The following ACAP2 variants were observed in gnomAD, a reference collection of about 807,000 sequenced individuals.
The protein encoded by ACAP2 is arf-GAP with coiled-coil, ANK repeat and PH domain-containing protein 2.
Under a neutral mutation model 115.8 loss-of-function variants are expected in ACAP2, and 39 were observed. The observed-to-expected ratio is 0.34, with a 90% CI of 0.26 to 0.44. ACAP2 has a LOEUF of 0.44. ACAP2 is among the 20% of genes least tolerant of loss of function. The pLI is 1.00. For missense variants in ACAP2, 662 were observed against 927.6 expected, an observed-to-expected ratio of 0.71 and a Z score of 3.72; for synonymous variants, 289 against 315.8, an observed-to-expected ratio of 0.92 and a Z score of 0.90.
chr3:195,346,266 A>G (rs569092323), intron 4 of ACAP2, among the ~76,000 whole-genome samples: 20 of 152,200 alleles, frequency 1.3e-4, no homozygotes, highest in Non-Finnish European at 2.6e-4. Flanking sequence ...TAAAGATTAG[A>G]GTAGAAGTCA....
chr3:195,282,764 T>C (rs1393595960), intron 22 of ACAP2: 1 of 152,266 alleles, frequency 6.6e-6, no homozygotes, highest in Non-Finnish European at 1.5e-5. Context: ...CCACATTCTA[T>C]TTCCCCTCAG....
chr3:195,372,987 CAAAAA>C (rs869134113), intron 4 of ACAP2, among the ~76,000 whole-genome samples: 145 of 17,730 alleles, frequency 8.2e-3, no homozygotes, highest in Non-Finnish European at 0.016. Context: ...GACTCCATCT[CAAAAA>C]AAAAAAAAAA....
Position 195,316,870 on chromosome 3 carries a change from C to T in ACAP2, c.857+3831G>A, listed in dbSNP as rs539659129. ...TGCTGGGGAAATGCTCAATAAATCA[C>T]TGACTTTCAGAAATGTCAGTGAATT... On this transcript the variant is annotated intron_variant, in intron 10 of 22. Transcript: ENST00000326793. 5.1e-3 allele frequency among the ~76,000 whole-genome samples: 751 copies of T among 148,538 alleles called. 4 individuals are homozygous for T. Among genetic ancestry groups the T allele is most frequent in the African/African-American group, 0.018 (715 of 40,356 alleles).
At chr3:195,392,407 C>T (rs1057207866) in intron 1 of ACAP2, among the ~76,000 whole-genome samples, 4 of 152,122 alleles carry the variant, frequency 2.6e-5, no homozygotes, top group Admixed American at 6.6e-5. Flanking sequence ...ATTAATAACA[C>T]AAAATACAGC....
intron 4 of ACAP2, among the ~76,000 whole-genome samples, chr3:195,367,588 C>G (rs1331805748): frequency 6.6e-6 from 1 of 152,176 alleles, no homozygotes; most frequent in Non-Finnish European, 1.5e-5. Flanking sequence ...TTTCCTTACC[C>G]TGAATCTGGG....
intron 4 of ACAP2, among the ~76,000 whole-genome samples, chr3:195,379,896 T>C (rs546941461): frequency 6.6e-6 from 1 of 152,288 alleles, no homozygotes; most frequent in African/African-American, 2.4e-5. Flanking sequence ...CTCAACTGCA[T>C]GAGTCATTAG....
At chr3:195,391,899 G>A (rs1734703447) in intron 2 of ACAP2, among the ~76,000 whole-genome samples, 191 bp downstream of exon 2, 1 of 152,056 alleles carries the variant, frequency 6.6e-6, no homozygotes, top group Non-Finnish European at 1.5e-5. Flanking sequence ...GGAGGCTGAG[G>A]CAGGAGGATC....
chr3:195,419,578 A>C (rs1333324016), intron 1 of ACAP2: 1 of 152,124 alleles, frequency 6.6e-6, no homozygotes, highest in East Asian at 1.9e-4. Context: ...ATATAGTAAA[A>C]TCTATTTCAA....
At chr3:195,378,711 A>T (rs1051539398) in intron 4 of ACAP2, among the ~76,000 whole-genome samples, 3 of 151,678 alleles carry the variant, frequency 2.0e-5, no homozygotes, top group African/African-American at 7.3e-5. Flanking sequence ...AAATACAAAA[A>T]TTAGCCAGGC....
At chr3:195,377,255 A>G (rs1327376295) in intron 4 of ACAP2, among the ~76,000 whole-genome samples, 1 of 147,488 alleles carries the variant, frequency 6.8e-6, no homozygotes, top group African/African-American at 2.5e-5. Flanking sequence ...AGTGATCCTC[A>G]CACTTCAGCC....
At chr3:195,429,238 A>G (rs1714922058) in intron 1 of ACAP2, among the ~76,000 whole-genome samples, 1 of 152,036 alleles carries the variant, frequency 6.6e-6, no homozygotes, top group South Asian at 2.1e-4. Flanking sequence ...ATATACAAAA[A>G]TTAGTCGGGT....
intron 4 of ACAP2, among the ~76,000 whole-genome samples, chr3:195,360,566 C>T (rs985778828): frequency 5.3e-5 from 8 of 152,118 alleles, no homozygotes; most frequent in Admixed American, 2.6e-4. Flanking sequence ...GAGGCCAAGG[C>T]GGGCGATCAC....
chr3:195,312,692 G>A (rs1728847274), intron 10 of ACAP2, among the ~76,000 whole-genome samples: 2 of 151,990 alleles, frequency 1.3e-5, no homozygotes, highest in African/African-American at 4.8e-5. Context: ...TACTCAATCT[G>A]TATCTTCTTT....
chr3:195,401,392 C>CA (rs1404095432), intron 1 of ACAP2, among the ~76,000 whole-genome samples: 1 of 152,182 alleles, frequency 6.6e-6, no homozygotes, highest in East Asian at 1.9e-4. Context: ...AGGCTGGGCG[C>CA]AGTGGCTCAG....
intron 2 of ACAP2, among the ~76,000 whole-genome samples, chr3:195,389,025 TA>T (rs977774624): frequency 7.0e-6 from 1 of 143,600 alleles, no homozygotes; most frequent in African/African-American, 2.6e-5. Context: ...ATCCATTTCT[TA>T]AAAAAAAAAT....
chr3:195,320,745 T>A lies in ACAP2; in HGVS notation c.813A>T (p.Gly271=), dbSNP rs1729393560. The change falls in exon 10 of 23, where the codon GGA becomes GGT. Residue 271 remains glycine, a synonymous_variant. Coordinates refer to ENST00000326793, the MANE Select transcript of ACAP2 (RefSeq NM_012287.6). ...CATTGCTGGCTCGTTTGAACAGATATCCTTCCATAACTATGCCATTTGCAG... is the reference window on the plus strand; with the variant it reads ...CATTGCTGGCTCGTTTGAACAGATAACCTTCCATAACTATGCCATTTGCAG... The part of the protein sequence containing the change: ...VDAANGIVME[G]YLFKRASNAF... 3 of 1,613,742 alleles carry A rather than the reference T, an allele frequency of 1.9e-6. No homozygotes were observed. The highest frequency in any genetic ancestry group is 1.3e-5 in the African/African-American group (1 of 75,048).
chr3:195,364,687 A>G (rs1177636439), intron 4 of ACAP2, among the ~76,000 whole-genome samples: 1 of 152,250 alleles, frequency 6.6e-6, no homozygotes, highest in Non-Finnish European at 1.5e-5. Flanking sequence ...GGGAATGTAA[A>G]TTAGTACAAC....
chr3:195,431,098 A>G (rs1715080240), intron 1 of ACAP2, among the ~76,000 whole-genome samples: 1 of 152,148 alleles, frequency 6.6e-6, no homozygotes, highest in Admixed American at 6.5e-5. Context: ...TGGCTCTACA[A>G]ATTTGCCTAT....
chr3:195,413,655 C>T (rs181888871), intron 1 of ACAP2, among the ~76,000 whole-genome samples: 28 of 151,800 alleles, frequency 1.8e-4, no homozygotes, highest in African/African-American at 6.3e-4. Context: ...GGCTGAGGCA[C>T]GGAGAATCGC....
Sources: allele counts gnomAD v4.1 joint callset (sites outside exome capture counted in the v4.1 genomes callset), GRCh38; gene constraint gnomAD v4.1.1; transcripts MANE v1.5; gene names NCBI Gene and HGNC (gene_info 2026-07-23, HGNC 2026-07-21).